CRYBG1: variants seen among roughly 807,000 people sequenced by gnomAD.
CRYBG1 encodes beta/gamma crystallin domain-containing protein 1.
CRYBG1 carries 139 observed loss-of-function variants against 189.2 expected under a neutral mutation model. The observed-to-expected ratio is 0.73, with a 90% CI of 0.64 to 0.85. CRYBG1 has a LOEUF of 0.85. Among genes scored for constraint, CRYBG1 ranks in the 40% least tolerant of loss-of-function variants. The pLI, the probability that CRYBG1 is intolerant of heterozygous loss-of-function variation, is 0.00. For synonymous variants in CRYBG1, 1,023 were observed against 1,017.1 expected (o/e 1.01, Z -0.11); for missense variants, 2,611 against 2,675.8 (o/e 0.98, Z 0.53).
In CRYBG1 at chr6:106,416,106, G is replaced by A. The variant is rs563950435; in HGVS notation, c.174-35588G>A. Among the ~76,000 whole-genome samples the A allele has an allele frequency of 4.6e-4, 70 of 152,046 alleles. 1 individual carries two copies. Among genetic ancestry groups the A allele is most frequent in the African/African-American group, 1.6e-3 (67 of 41,460 alleles). ...TGTTCCCTCTGCTGCCCCCTTTCTT[G>A]GCCCCACAGCTTTCAAAGTTCTCCT... On this transcript the variant is annotated intron_variant, in intron 1 of 21. Transcript: ENST00000633556.
chr6:106,558,753 A>C, intron 18 of CRYBG1, 128 bp downstream of exon 18: 1 of 718,104 alleles, frequency 1.4e-6, no homozygotes, highest in Non-Finnish European at 2.1e-6. Flanking sequence ...ATTTGAATCC[A>C]GGGATTCAAG....
chr6:106,513,323 A>G (rs1435667406), intron 3 of CRYBG1, among the ~76,000 whole-genome samples: 1 of 152,226 alleles, frequency 6.6e-6, no homozygotes, highest in Non-Finnish European at 1.5e-5. Flanking sequence ...GATGAGAGAT[A>G]AGACCTCATG....
At chr6:106,409,815 A>G (rs535193360) in intron 1 of CRYBG1, among the ~76,000 whole-genome samples, 1 of 152,344 alleles carries the variant, frequency 6.6e-6, no homozygotes, top group South Asian at 2.1e-4. Flanking sequence ...AAAACTGGCT[A>G]GCCATATGCA....
chr6:106,381,128 T>A (rs910122184), intron 1 of CRYBG1, among the ~76,000 whole-genome samples: 7 of 152,168 alleles, frequency 4.6e-5, no homozygotes, highest in African/African-American at 1.7e-4. Flanking sequence ...CAGCATAGGA[T>A]CATAACATAG....
At chr6:106,362,637 G>C (rs1771902269) in intron 1 of CRYBG1, among the ~76,000 whole-genome samples, 1 of 152,100 alleles carries the variant, frequency 6.6e-6, no homozygotes, top group Admixed American at 6.5e-5. Flanking sequence ...AGTGGGTAAG[G>C]GTAGGAAACC....
chr6:106,457,201 C>G (rs1436233842), intron 2 of CRYBG1: 1 of 152,260 alleles, frequency 6.6e-6, no homozygotes, highest in East Asian at 1.9e-4. Flanking sequence ...CTGGTGAGAG[C>G]CTTCTTGCTG....
intron 2 of CRYBG1, among the ~76,000 whole-genome samples, chr6:106,508,596 T>C (rs1773178972): frequency 6.6e-6 from 1 of 152,212 alleles, no homozygotes; most frequent in Non-Finnish European, 1.5e-5. Context: ...TATGTAACAT[T>C]TGGAGTCTGC....
chr6:106,550,831 T>C (rs1774380728), intron 13 of CRYBG1, among the ~76,000 whole-genome samples: 2 of 152,148 alleles, frequency 1.3e-5, no homozygotes, highest in African/African-American at 4.8e-5. Context: ...TTGAAAGTCC[T>C]GTTTGTTTTG....
chr6:106,496,848 C>T lies in CRYBG1; in HGVS notation c.313-14582C>T, dbSNP rs558869173. ...GTGAGACGACATTTTAATTTTCATT[C>T]GAAGTGTTGAAATGGGCAGGAACCT... is the stretch of plus-strand genomic sequence containing the variant. On this transcript the variant is annotated intron_variant, in intron 2 of 21. Transcript: ENST00000633556. Among the ~76,000 whole-genome samples, 3 of 152,236 alleles carry T rather than the reference C, an allele frequency of 2.0e-5. No individual in the cohort carries two copies. In the East Asian group the frequency reaches 5.8e-4, roughly 29 times the overall value.
chr6:106,451,953 A>T, intron 2 of CRYBG1, 121 bp downstream of exon 2: 2 of 542,646 alleles, frequency 3.7e-6, no homozygotes, highest in Non-Finnish European at 5.3e-6. Context: ...TGTATATCAT[A>T]AATTATATAT....
intron 1 of CRYBG1, among the ~76,000 whole-genome samples, chr6:106,371,978 A>G (rs75668324): frequency 0.055 from 8,411 of 152,264 alleles, 382 homozygotes; most frequent in East Asian, 0.16. Flanking sequence ...AACTGTTGAC[A>G]ATGTAGAGAG....
chr6:106,568,845 T>C lies in CRYBG1; in HGVS notation c.*279T>C. The C allele has an allele frequency of 3.0e-6, 1 of 332,128 alleles. No individual in the cohort carries two copies. Among genetic ancestry groups the C allele is most frequent in the Non-Finnish European group, 5.6e-6 (1 of 178,612 alleles). 20.6% of individuals were successfully genotyped at this position (332,128 alleles called of 1,614,324 possible). A position where few individuals can be genotyped will look rare whatever the true frequency, so the allele number is the denominator to read the frequency against. Reference sequence around the variant, plus strand: ...CCTAATTAGCAGCTTTTGGGTGATTTTGTAAAATGTTATATCAAGATTTCA... The same window carrying C: ...CCTAATTAGCAGCTTTTGGGTGATTCTGTAAAATGTTATATCAAGATTTCA... On this transcript the variant is annotated 3_prime_UTR_variant, in exon 22 of 22. Coordinates refer to ENST00000633556, the MANE Select transcript of CRYBG1 (RefSeq NM_001371242.2).
chr6:106,461,938 G>C (rs185691222), intron 2 of CRYBG1, among the ~76,000 whole-genome samples: 18 of 152,294 alleles, frequency 1.2e-4, no homozygotes, highest in African/African-American at 3.8e-4. Context: ...CCGGGATCTT[G>C]AGGTAAGTCC....
At chr6:106,524,765 A>G (rs1003770170) in intron 4 of CRYBG1, among the ~76,000 whole-genome samples, 1 of 152,218 alleles carries the variant, frequency 6.6e-6, no homozygotes, top group African/African-American at 2.4e-5. Context: ...AGTGATTAAT[A>G]TATTCTAATT....
Position 106,519,618 on chromosome 6 carries a change from C to G in CRYBG1, c.2410C>G (p.Leu804Val). The change falls in exon 4 of 22, where the codon CTG (leucine) becomes GTG (valine). Residue 804 changes from leucine (L) to valine (V), a missense_variant. Physicochemically the swap from Leu to Val is conservative, Grantham distance 32. Coordinates refer to ENST00000633556, the MANE Select transcript of CRYBG1 (RefSeq NM_001371242.2). The stretch of plus-strand genomic sequence containing the variant: ...CCTTTCAGAACCAGTGGCTTCTGCT[C>G]TGATTCCTGTCAAGGATCATAAGCT... The part of the protein sequence containing the change: ...GCLSEPVASA[L>V]IPVKDHKLLE... The G allele has an allele frequency of 1.2e-6, 2 of 1,614,238 alleles. No homozygotes were observed. Among genetic ancestry groups the G allele is most frequent in the Non-Finnish European group, 1.7e-6 (2 of 1,180,042 alleles).
intron 2 of CRYBG1, among the ~76,000 whole-genome samples, chr6:106,459,311 G>C (rs1222539048): frequency 6.6e-6 from 1 of 152,104 alleles, no homozygotes; most frequent in Non-Finnish European, 1.5e-5. Flanking sequence ...ACTCAAATTA[G>C]AAGGCTTTAT....
At position 106,512,360 on chromosome 6, in the gene CRYBG1, G is replaced by T; in HGVS notation, c.1243G>T (p.Gly415Cys). 1 of 1,611,490 alleles carries T rather than the reference G, an allele frequency of 6.2e-7. No individual in the cohort carries two copies. The highest frequency in any genetic ancestry group is 8.5e-7 in the Non-Finnish European group (1 of 1,179,396). Residue 415 changes from glycine (G) to cysteine (C), a missense_variant, in exon 3 of 22, where the codon GGC (glycine) becomes TGC (cysteine). By Grantham distance (159) the Gly-to-Cys change is radical (BLOSUM62 -3). Coordinates refer to ENST00000633556, the MANE Select transcript of CRYBG1 (RefSeq NM_001371242.2). Reference sequence around the variant, plus strand: ...GGACGACATGGAGAAGAGGTCCAGCGGCCGTAGGTCGGGGAGGCGGAGGGG... The same window carrying T: ...GGACGACATGGAGAAGAGGTCCAGCTGCCGTAGGTCGGGGAGGCGGAGGGG... ...DWDDMEKRSS[G>C]RRSGRRRGSQ...
chr6:106,469,868 C>G (rs1442158434), intron 2 of CRYBG1, among the ~76,000 whole-genome samples: 1 of 152,126 alleles, frequency 6.6e-6, no homozygotes, highest in African/African-American at 2.4e-5. Context: ...ACAACTCTGC[C>G]CCAAGGCCCA....
intron 1 of CRYBG1, among the ~76,000 whole-genome samples, chr6:106,432,516 C>G (rs200251833): frequency 9.2e-5 from 14 of 151,924 alleles, no homozygotes; most frequent in East Asian, 3.9e-4. Flanking sequence ...ACCTACCCCC[C>G]AGGGAGTTAA....
Sources: allele counts gnomAD v4.1 joint callset (sites outside exome capture counted in the v4.1 genomes callset), GRCh38; gene constraint gnomAD v4.1.1; transcripts MANE v1.5; gene names NCBI Gene and HGNC (gene_info 2026-07-23, HGNC 2026-07-21).